Variants in MDGA2 observed in about 807,000 individuals in gnomAD.
The protein encoded by MDGA2 is MAM domain-containing glycosylphosphatidylinositol anchor protein 2.
Under a neutral mutation model 117.8 loss-of-function variants are expected in MDGA2, and 40 were observed. The observed-to-expected ratio is 0.34, with a 90% confidence interval of 0.26 to 0.44. The LOEUF is 0.44. Among genes scored for constraint, MDGA2 ranks in the 20% least tolerant of loss-of-function variants. The pLI is 1.00. For synonymous variants in MDGA2, 452 were observed against 439.0 expected, an observed-to-expected ratio of 1.03 and a Z score of -0.37; for missense variants, 1,123 against 1,250.6, an observed-to-expected ratio of 0.90 and a Z score of 1.54.
At chr14:47,540,522 G>GTC (rs1307854544) in intron 1 of MDGA2, among the ~76,000 whole-genome samples, 40 of 60,348 alleles carry the variant, frequency 6.6e-4, no homozygotes, top group Non-Finnish European at 8.1e-4. Flanking sequence ...ATATGTATAT[G>GTC]TGTGTGTGTG....
At chr14:46,988,578 T>TGA (rs751985801) in intron 8 of MDGA2, among the ~76,000 whole-genome samples, 1 of 151,968 alleles carries the variant, frequency 6.6e-6, no homozygotes, top group Non-Finnish European at 1.5e-5. Context: ...AAGAAGCTAA[T>TGA]GAGTGGCAGA....
intron 1 of MDGA2, among the ~76,000 whole-genome samples, chr14:47,621,953 T>C (rs1166078366): frequency 3.3e-5 from 5 of 152,212 alleles, no homozygotes. Context: ...TAACATGTAA[T>C]GTTGGTTAAA....
At chr14:46,861,993 G>C (rs956817507) in intron 14 of MDGA2, among the ~76,000 whole-genome samples, 1 of 151,964 alleles carries the variant, frequency 6.6e-6, no homozygotes, top group Non-Finnish European at 1.5e-5. Context: ...AAAAAACTCT[G>C]AAGTGAATAT....
intron 10 of MDGA2, among the ~76,000 whole-genome samples, chr14:46,904,865 T>C (rs1280319096): frequency 6.6e-6 from 1 of 152,186 alleles, no homozygotes; most frequent in Non-Finnish European, 1.5e-5. Context: ...TCAACATCCT[T>C]GTTTCTTAGA....
chr14:47,518,923 G>C (rs1212737977), intron 1 of MDGA2, among the ~76,000 whole-genome samples: 1 of 152,126 alleles, frequency 6.6e-6, no homozygotes, highest in Non-Finnish European at 1.5e-5. Flanking sequence ...CAAGTTATAG[G>C]CTGGGCACAG....
At chr14:46,911,940 C>T (rs1883721333) in intron 10 of MDGA2, among the ~76,000 whole-genome samples, 2 of 152,158 alleles carry the variant, frequency 1.3e-5, no homozygotes, top group South Asian at 2.1e-4. Context: ...CAACACTGAA[C>T]AGGGCTCCAT....
intron 9 of MDGA2, among the ~76,000 whole-genome samples, chr14:46,948,051 G>C (rs1024485920): frequency 6.6e-6 from 1 of 151,880 alleles, no homozygotes. Context: ...CTGCAATTTA[G>C]TCTAGTAATA....
intron 8 of MDGA2, among the ~76,000 whole-genome samples, chr14:46,981,499 A>G (rs535517600): frequency 6.6e-6 from 1 of 152,212 alleles, no homozygotes; most frequent in Non-Finnish European, 1.5e-5. Context: ...TTTGAGAAAT[A>G]ATACAAAGTC....
intron 1 of MDGA2, among the ~76,000 whole-genome samples, chr14:47,555,964 G>A (rs571938619): frequency 6.6e-5 from 10 of 152,256 alleles, no homozygotes; most frequent in African/African-American, 2.2e-4. Context: ...TGTTGCTTGG[G>A]CTTTAAAGTT....
chr14:47,272,577 A>G (rs1001299326), intron 2 of MDGA2, among the ~76,000 whole-genome samples: 1 of 151,944 alleles, frequency 6.6e-6, no homozygotes, highest in African/African-American at 2.4e-5. Context: ...AGCAATCCCC[A>G]TATCAGCTGT....
At chr14:47,465,316 G>A (rs554607227) in intron 1 of MDGA2, among the ~76,000 whole-genome samples, 208 of 151,952 alleles carry the variant, frequency 1.4e-3, no homozygotes, top group Non-Finnish European at 2.4e-3. Context: ...TGCAACAAAA[G>A]GAAAAATTGA....
chr14:47,206,218 CT>C (rs1473041577), intron 3 of MDGA2, among the ~76,000 whole-genome samples: 1 of 151,940 alleles, frequency 6.6e-6, no homozygotes, highest in African/African-American at 2.4e-5. Context: ...TGAATGCTTG[CT>C]TTGAGGAAAT....
At chr14:46,858,776 T>A (rs2138313880) in intron 14 of MDGA2, among the ~76,000 whole-genome samples, 1 of 152,318 alleles carries the variant, frequency 6.6e-6, no homozygotes, top group Middle Eastern at 3.4e-3. Context: ...AGTCTAACTT[T>A]CTTAAGTTTG....
At chr14:47,417,088 G>C (rs924604860) in intron 1 of MDGA2, among the ~76,000 whole-genome samples, 1 of 152,144 alleles carries the variant, frequency 6.6e-6, no homozygotes, top group Non-Finnish European at 1.5e-5. Flanking sequence ...GGCTTCTGTT[G>C]AGATGGCACA....
intron 2 of MDGA2, among the ~76,000 whole-genome samples, chr14:47,243,488 C>T (rs1264800441): frequency 4.0e-5 from 6 of 151,286 alleles, no homozygotes; most frequent in Non-Finnish European, 7.4e-5. Flanking sequence ...GTCCACGCTG[C>T]TTTTATGAGC....
At chr14:47,042,312 GTTTTTT>G (rs748830079) in intron 7 of MDGA2, among the ~76,000 whole-genome samples, 54 of 130,016 alleles carry the variant, frequency 4.2e-4, no homozygotes, top group African/African-American at 1.2e-3. Context: ...CCAAATCTAT[GTTTTTT>G]TTTTTTTTTT....
At chr14:47,524,719 T>C (rs1489789332) in intron 1 of MDGA2, among the ~76,000 whole-genome samples, 1 of 152,214 alleles carries the variant, frequency 6.6e-6, no homozygotes, top group East Asian at 1.9e-4. Flanking sequence ...CTCTCCAGAA[T>C]AGGCTTTCTC....
Position 47,439,250 on chromosome 14 carries a change from A to G in MDGA2, c.281-137700T>C, listed in dbSNP as rs938799832. Among the ~76,000 whole-genome samples the G allele has an allele frequency of 6.3e-4, 96 of 152,152 alleles. 3 individuals carry two copies. Among genetic ancestry groups the G allele is most frequent in the Non-Finnish European group, 2.9e-5 (2 of 68,004 alleles). On this transcript the variant is annotated intron_variant, in intron 1 of 16. Transcript: ENST00000399232. ...GAGATATGGCAATGACTTAAGTCAA[A>G]TAAGGAAATGAACCATGATATAAAT... is the stretch of plus-strand genomic sequence containing the variant.
chr14:47,174,319 C>T (rs1201515879), intron 3 of MDGA2, among the ~76,000 whole-genome samples: 5 of 152,278 alleles, frequency 3.3e-5, no homozygotes, highest in African/African-American at 1.2e-4. Flanking sequence ...CTGCAGAACT[C>T]TCCACCCCAA....
Sources: gnomAD v4.1 joint callset for allele counts (sites outside exome capture counted in the v4.1 genomes callset) on GRCh38, gnomAD v4.1.1 for gene constraint, MANE v1.5 for transcripts, NCBI Gene and HGNC (gene_info 2026-07-23, HGNC 2026-07-21) for gene names.